STRIP1: variants seen among roughly 807,000 people sequenced by gnomAD.
STRIP1 encodes the protein striatin interacting protein 1.
In STRIP1, 63 loss-of-function variants were observed where a neutral mutation model predicts 106.2. That is an observed-to-expected ratio of 0.59 (90% CI 0.48 to 0.73). The LOEUF is 0.73. Ranked by LOEUF, STRIP1 falls within the 30% of genes least tolerant of loss-of-function variation. The pLI, the probability that STRIP1 is intolerant of heterozygous loss-of-function variation, is 0.00. For synonymous variants in STRIP1, 390 were observed against 413.0 expected (o/e 0.94, Z 0.67); for missense variants, 857 against 1,074.8 (o/e 0.80, Z 2.83).
chr1:110,038,088 ATATATATAT>A (rs1652557328), intron 2 of STRIP1, 128 bp downstream of exon 2: 1 of 154,712 alleles, frequency 6.5e-6, no homozygotes, highest in Non-Finnish European at 1.2e-5. Context: ...ATATATATAT[ATATATATAT>A]ATATATATAT....
At chr1:110,034,266 T>C (rs1284088728), upstream of STRIP1, among the ~76,000 whole-genome samples, 1 of 152,174 alleles carries the variant, frequency 6.6e-6, no homozygotes, top group Non-Finnish European at 1.5e-5. Context: ...CAACGGTAAC[T>C]CTGTGAAGAC....
chr1:110,034,191 C>T (rs150800095), upstream of STRIP1, among the ~76,000 whole-genome samples: 622 of 152,352 alleles, frequency 4.1e-3, 1 homozygote, highest in South Asian at 6.6e-3. Flanking sequence ...TTTTATCCCA[C>T]TGCTTGGTGC....
intron 3 of STRIP1, 125 bp from the exon 4 acceptor site, chr1:110,039,047 A>T: frequency 9.1e-7 from 1 of 1,095,580 alleles, no homozygotes; most frequent in Non-Finnish European, 1.3e-6. Flanking sequence ...TGATCTTACC[A>T]CTTACATAGG....
Position 110,054,288 on chromosome 1 carries a change from A to C in STRIP1, c.*376A>C. ...TGCTGATGCCTCTCGAGACATACAA[A>C]TCCTTGCTTTGTCAGCTTGCAAAGG... is the stretch of plus-strand genomic sequence containing the variant. On this transcript the variant is annotated 3_prime_UTR_variant, in exon 21 of 21. Coordinates refer to ENST00000369795, the MANE Select transcript of STRIP1 (RefSeq NM_033088.4). The C allele has an allele frequency of 5.0e-6, 1 of 200,142 alleles. No individual in the cohort carries two copies. The highest frequency in any genetic ancestry group is 1.0e-5 in the Non-Finnish European group (1 of 97,142). 12.4% of individuals were successfully genotyped at this position (200,142 alleles called of 1,614,324 possible). A position where few individuals can be genotyped will look rare whatever the true frequency, so the allele number is the denominator to read the frequency against.
At position 110,047,805 on chromosome 1, in the gene STRIP1, CCCACCTCAAAAG is replaced by C; in HGVS notation, c.1601_1612del (p.Thr534_Ala537del). ...CCTGAAGATCCTGTTGGCTGCAGCA[CCCACCTCAAAAG>C]CCAAAACAGACTCAATCAACATCCT... is the stretch of plus-strand genomic sequence containing the variant. On this transcript the variant is annotated inframe_deletion, in exon 15 of 21. Coordinates refer to ENST00000369795, the MANE Select transcript of STRIP1 (RefSeq NM_033088.4). 1 of 1,570,904 alleles carries C rather than the reference CCCACCTCAAAAG, an allele frequency of 6.4e-7. No homozygotes were observed. The highest frequency in any genetic ancestry group is 8.6e-7 in the Non-Finnish European group (1 of 1,156,780).
intron 12 of STRIP1, 138 bp from the exon 13 acceptor site, chr1:110,046,541 GC>G (rs2101779192): frequency 1.4e-6 from 1 of 714,552 alleles, no homozygotes; most frequent in African/African-American, 1.8e-5. Context: ...TGGGATTTTA[GC>G]TAGGGATTTT....
chr1:110,046,999 G>A (rs1313478201), intron 13 of STRIP1, among the ~76,000 whole-genome samples: 1 of 151,964 alleles, frequency 6.6e-6, no homozygotes, highest in Non-Finnish European at 1.5e-5. Flanking sequence ...GTAGTGAGCC[G>A]AGATAGCGCC....
chr1:110,036,988 T>C (rs1227206801), intron 1 of STRIP1, among the ~76,000 whole-genome samples: 2 of 152,058 alleles, frequency 1.3e-5, no homozygotes, highest in South Asian at 4.1e-4. Flanking sequence ...CATGTAAAAA[T>C]ATATTTTTAA....
intron 2 of STRIP1, 42 bp downstream of exon 2, chr1:110,038,002 C>T: frequency 7.8e-7 from 1 of 1,282,558 alleles, no homozygotes; most frequent in South Asian, 1.3e-5. Context: ...TGGTTTTTTC[C>T]TTATTGGTCT....
chr1:110,039,063 A>G, intron 3 of STRIP1, 109 bp from the exon 4 acceptor site: 1 of 1,286,006 alleles, frequency 7.8e-7, no homozygotes, highest in East Asian at 2.3e-5. Context: ...ATAGGGTGTA[A>G]CTTATCTTTC....
At chr1:110,040,546 A>G in intron 5 of STRIP1, 89 bp from the exon 6 acceptor site, 1 of 1,279,268 alleles carries the variant, frequency 7.8e-7, no homozygotes, top group Non-Finnish European at 1.1e-6. Context: ...GTATCACAGC[A>G]TTTTGTTTCC....
At chr1:110,039,108 C>T (rs1652632105) in intron 3 of STRIP1, 64 bp from the exon 4 acceptor site, 1 of 1,589,804 alleles carries the variant, frequency 6.3e-7, no homozygotes, top group East Asian at 2.2e-5. Flanking sequence ...GGTGAGTTAA[C>T]ATGGGTCCAT....
At chr1:110,050,204 G>T in intron 17 of STRIP1, 139 bp from the exon 18 acceptor site, 1 of 729,880 alleles carries the variant, frequency 1.4e-6, no homozygotes, top group African/African-American at 1.8e-5. Context: ...GGGAAACTGG[G>T]GTGGGACACA....
At chr1:110,041,512 T>C (rs753864870) in intron 6 of STRIP1, 24 bp from the exon 7 acceptor site, 4 of 1,588,540 alleles carry the variant, frequency 2.5e-6, no homozygotes, top group South Asian at 1.1e-5. Context: ...TCCCACTCCA[T>C]TGTGAGCTGG....
intron 13 of STRIP1, 132 bp from the exon 14 acceptor site, chr1:110,047,410 G>A (rs915001595): frequency 1.5e-6 from 1 of 684,394 alleles, no homozygotes; most frequent in Non-Finnish European, 2.6e-6. Flanking sequence ...TGTGTTCAGG[G>A]TTTGCTGTTA....
Position 110,045,062 on chromosome 1 carries a change from T to A in STRIP1, c.1400T>A (p.Ile467Asn), listed in dbSNP as rs1373556738. Residue 467 changes from isoleucine to asparagine, a missense_variant, in exon 12 of 21, where the codon ATC (isoleucine) becomes AAC (asparagine). Around this residue, in one of 2 missense-constraint regions of STRIP1, gnomAD observed 750 missense variants for 989.8 expected, o/e 0.76. Transcript: ENST00000369795. ...CTGCCCAGGCCAATCCACGAAAGCA[T>A]CAAGACTCTGAAACAGGTGAGTGGC... ...VGLPRPIHES[I>N]KTLKQHKYTS... is the part of the protein sequence containing the mutation. The A allele has an allele frequency of 6.2e-7, 1 of 1,613,904 alleles. No individual in the cohort carries two copies. The highest frequency in any genetic ancestry group is 8.5e-7 in the Non-Finnish European group (1 of 1,179,976).
At chr1:110,052,195 C>A (rs1187614064) in intron 20 of STRIP1, among the ~76,000 whole-genome samples, 1 of 152,186 alleles carries the variant, frequency 6.6e-6, no homozygotes, top group African/African-American at 2.4e-5. Context: ...TAAACTCTTA[C>A]AGCTCTTGAC....
rs1213509457 is a variant in STRIP1 at position 110,049,114 on chromosome 1, C to T, written c.1664C>T (p.Thr555Ile). 2 of 1,614,188 alleles carry T rather than the reference C, an allele frequency of 1.2e-6. No homozygotes were observed. Among genetic ancestry groups the T allele is most frequent in the Non-Finnish European group, 8.5e-7 (1 of 1,180,032 alleles). ...LADVLPEEMP[T>I]TVLQSMKLGV... is the part of the protein sequence containing the mutation. ...TACCCAGGCAATTATGTTTCCAGCA[C>T]CACAGTGTTGCAGAGCATGAAGCTG... The change falls in exon 16 of 21, where the codon ACC becomes ATC. Residue 555 changes from threonine (T) to isoleucine (I), a missense_variant and splice_region_variant. Around this residue, in one of 2 missense-constraint regions of STRIP1, gnomAD observed 750 missense variants for 989.8 expected, o/e 0.76. Coordinates refer to ENST00000369795, the MANE Select transcript of STRIP1 (RefSeq NM_033088.4).
At chr1:110,041,919 T>C (rs1652784021) in intron 8 of STRIP1, 58 bp downstream of exon 8, 1 of 1,525,074 alleles carries the variant, frequency 6.6e-7, no homozygotes, top group Non-Finnish European at 9.0e-7. Flanking sequence ...AGGGAGACTG[T>C]TCCTTGAATA....
Sources: allele counts gnomAD v4.1 joint callset (sites outside exome capture counted in the v4.1 genomes callset), GRCh38; gene constraint gnomAD v4.1.1; regional missense constraint gnomAD v4.1.1; transcripts MANE v1.5; gene names NCBI Gene and HGNC (gene_info 2026-07-23, HGNC 2026-07-21).